The following PAX5 variants were observed in gnomAD, a reference collection of about 807,000 sequenced individuals.
The protein encoded by PAX5 is paired box 5.
In PAX5, 9 loss-of-function variants were observed where a neutral mutation model predicts 43.7. The ratio of observed to expected loss-of-function variants is 0.21; its 90% CI spans 0.12 to 0.36. The LOEUF is 0.36. PAX5 is among the 10% of genes least tolerant of loss of function. The pLI is 1.00. For missense variants in PAX5, 383 were observed against 532.7 expected, an observed-to-expected ratio of 0.72 and a Z score of 2.77; for synonymous variants, 228 against 214.3, an observed-to-expected ratio of 1.06 and a Z score of -0.56.
At chr9:36,843,049 TGA>T (rs1461917020) in intron 9 of PAX5, among the ~76,000 whole-genome samples, 1 of 151,862 alleles carries the variant, frequency 6.6e-6, no homozygotes, top group African/African-American at 2.4e-5. Context: ...CATGTGTGTG[TGA>T]GTGTATCAGT....
intron 1 of PAX5, among the ~76,000 whole-genome samples, chr9:37,022,490 T>C (rs1839935778): frequency 6.6e-6 from 1 of 152,092 alleles, no homozygotes; most frequent in Non-Finnish European, 1.5e-5. Flanking sequence ...TGGTATAAGC[T>C]CATCTGGGAA....
chr9:36,869,454 G>A (rs1377109462), intron 8 of PAX5, among the ~76,000 whole-genome samples: 4 of 152,348 alleles, frequency 2.6e-5, no homozygotes, highest in Admixed American at 2.6e-4. Context: ...GGGATGTCTT[G>A]GAAAGCTTTA....
intron 5 of PAX5, among the ~76,000 whole-genome samples, chr9:36,974,381 G>C (rs1474121771): frequency 6.6e-6 from 1 of 152,158 alleles, no homozygotes; most frequent in Non-Finnish European, 1.5e-5. Context: ...GCTGTTCAGT[G>C]TCAGGCACTG....
intron 6 of PAX5, among the ~76,000 whole-genome samples, chr9:36,938,344 C>A (rs144864667): frequency 3.9e-5 from 6 of 152,274 alleles, no homozygotes; most frequent in Non-Finnish European, 7.4e-5. Flanking sequence ...AACAAACACA[C>A]GTCTAAAGGC....
At chr9:36,874,577 T>TCCA (rs1424465314) in intron 8 of PAX5, among the ~76,000 whole-genome samples, 2 of 152,320 alleles carry the variant, frequency 1.3e-5, no homozygotes, top group African/African-American at 4.8e-5. Flanking sequence ...CAAGCACACA[T>TCCA]GGTTCCCAGC....
At chr9:36,875,553 C>G (rs113003201) in intron 8 of PAX5, among the ~76,000 whole-genome samples, 1 of 151,478 alleles carries the variant, frequency 6.6e-6, no homozygotes. Context: ...TGGCCCCCCC[C>G]AAAAATGTCC....
intron 8 of PAX5, among the ~76,000 whole-genome samples, chr9:36,866,355 C>G (rs1366325813): frequency 6.6e-6 from 1 of 152,144 alleles, no homozygotes; most frequent in African/African-American, 2.4e-5. Context: ...CTACCTGACT[C>G]TGGGTAGGGG....
chr9:36,902,152 C>A (rs1587920576), intron 7 of PAX5, among the ~76,000 whole-genome samples: 1 of 152,204 alleles, frequency 6.6e-6, no homozygotes, highest in East Asian at 1.9e-4. Context: ...GAAGAAAATC[C>A]ATAAAGGCTC....
chr9:36,891,645 G>A (rs1827397549), intron 7 of PAX5, among the ~76,000 whole-genome samples: 1 of 152,206 alleles, frequency 6.6e-6, no homozygotes, highest in Admixed American at 6.5e-5. Context: ...AATTGCAGAT[G>A]AGCTGTATCC....
intron 5 of PAX5, among the ~76,000 whole-genome samples, chr9:36,978,271 T>C (rs963773371): frequency 6.6e-6 from 1 of 152,240 alleles, no homozygotes; most frequent in African/African-American, 2.4e-5. Context: ...CAGAGGGATA[T>C]GCACACTAAT....
intron 5 of PAX5, among the ~76,000 whole-genome samples, chr9:36,979,444 T>C (rs2132267621): frequency 6.6e-6 from 1 of 152,338 alleles, no homozygotes; most frequent in African/African-American, 2.4e-5. Context: ...TGTATTACAC[T>C]GGCAAGTGTG....
chr9:37,004,600 G>A (rs943751056), intron 4 of PAX5, among the ~76,000 whole-genome samples: 4 of 152,216 alleles, frequency 2.6e-5, no homozygotes, highest in African/African-American at 7.2e-5. Context: ...AAGAGACACA[G>A]AGGCAGAAAT....
chr9:36,969,773 G>A (rs1193128529), intron 5 of PAX5, among the ~76,000 whole-genome samples: 1 of 152,126 alleles, frequency 6.6e-6, no homozygotes, highest in Non-Finnish European at 1.5e-5. Context: ...GCCCTCGAAG[G>A]GCTGCGAGCT....
intron 5 of PAX5, among the ~76,000 whole-genome samples, chr9:36,971,467 T>C (rs1381205975): frequency 6.6e-6 from 1 of 152,208 alleles, no homozygotes; most frequent in East Asian, 1.9e-4. Context: ...TCTGACTTAA[T>C]TGGAGAATGT....
intron 8 of PAX5, among the ~76,000 whole-genome samples, chr9:36,870,087 AATGG>A (rs1354073391): frequency 0.061 from 421 of 6,874 alleles, 73 homozygotes; most frequent in African/African-American, 0.085. Context: ...TGGATGGATA[AATGG>A]ATGGATGGAT....
intron 7 of PAX5, among the ~76,000 whole-genome samples, chr9:36,890,925 G>C (rs1827326931): frequency 6.6e-6 from 1 of 152,326 alleles, no homozygotes; most frequent in Admixed American, 6.5e-5. Flanking sequence ...GATCACCTGA[G>C]GTCAGGAGTT....
chr9:36,837,950 T>C lies in PAX5; in HGVS notation c.*2610A>G, dbSNP rs1821756632. On this transcript the variant is annotated 3_prime_UTR_variant, in exon 10 of 10. Coordinates refer to ENST00000358127, the MANE Select transcript of PAX5 (RefSeq NM_016734.3). Reference sequence around the variant, plus strand: ...CCACAAGGAGGGCAGGATCCAAAGATGTGGGTACACATCATTCCAAAAGAA... The same window carrying C: ...CCACAAGGAGGGCAGGATCCAAAGACGTGGGTACACATCATTCCAAAAGAA... 1.3e-5 allele frequency: 3 copies of C among 233,230 alleles called. No individual in the cohort carries two copies. The highest frequency in any genetic ancestry group is 5.6e-5 in the Admixed American group (1 of 17,780). 14.4% of individuals were successfully genotyped at this position (233,230 alleles called of 1,614,324 possible).
intron 7 of PAX5, among the ~76,000 whole-genome samples, chr9:36,885,933 T>C (rs924336223): frequency 6.6e-6 from 1 of 152,214 alleles, no homozygotes; most frequent in Non-Finnish European, 1.5e-5. Flanking sequence ...TAGAGCACAG[T>C]GGCCTCCTCT....
intron 5 of PAX5, among the ~76,000 whole-genome samples, chr9:36,990,831 C>T (rs796813582): frequency 3.9e-5 from 6 of 152,306 alleles, no homozygotes; most frequent in Admixed American, 2.0e-4. Flanking sequence ...CAGAGAAGGC[C>T]GGGCGCAGTG....
Sources: gnomAD v4.1 joint callset for allele counts (sites outside exome capture counted in the v4.1 genomes callset) on GRCh38, gnomAD v4.1.1 for gene constraint, MANE v1.5 for transcripts, NCBI Gene and HGNC (gene_info 2026-07-23, HGNC 2026-07-21) for gene names.